Variants in RNF6 observed in about 807,000 individuals in gnomAD.
RNF6 encodes E3 ubiquitin-protein ligase RNF6.
A neutral mutation model predicts 50.1 loss-of-function variants in RNF6; 21 were observed. The ratio of observed to expected loss-of-function variants is 0.42; its 90% CI spans 0.30 to 0.60. The LOEUF (loss-of-function observed/expected upper bound fraction) is 0.60, where lower values mean the gene tolerates loss of function less well. RNF6 is among the 20% of genes least tolerant of loss of function. RNF6 has a pLI of 0.20. For synonymous variants in RNF6, 255 were observed against 291.8 expected (o/e 0.87, Z 1.29); for missense variants, 698 against 838.2 (o/e 0.83, Z 2.07).
chr13:26,213,989 G>A lies in RNF6; in HGVS notation c.1893C>T (p.Ile631=). The change falls in exon 5 of 5, where the codon ATC becomes ATT. Residue 631 remains isoleucine, a synonymous_variant. Coordinates refer to ENST00000381588, the MANE Select transcript of RNF6 (RefSeq NM_005977.4). Reference sequence around the variant, plus strand: ...CATAGTCACTAATACAAACACTACAGATTTTACCTAGTTCACTATCAATAC... The same window carrying A: ...CATAGTCACTAATACAAACACTACAAATTTTACCTAGTTCACTATCAATAC... ...HNSIDSELGK[I]CSVCISDYVT... is the part of the protein sequence containing the mutation. 1.2e-6 allele frequency: 2 copies of A among 1,614,150 alleles called. No individual in the cohort carries two copies. The highest frequency in any genetic ancestry group is 1.7e-6 in the Non-Finnish European group (2 of 1,180,032).
intron 5 of RNF6, among the ~76,000 whole-genome samples, chr13:26,201,269 C>T (rs575229678): frequency 1.3e-5 from 2 of 152,156 alleles, no homozygotes; most frequent in Non-Finnish European, 2.9e-5. Context: ...GGTGATTTCT[C>T]GTAAAGCTAG....
At chr13:26,189,729 A>G (rs1461395799) in intron 5 of RNF6, among the ~76,000 whole-genome samples, 1 of 108,116 alleles carries the variant, frequency 9.2e-6, no homozygotes, top group Non-Finnish European at 2.3e-5. Context: ...CTCCTTGGAG[A>G]TAGAGATTTC....
chr13:26,216,328 TA>T (rs1290663525), intron 4 of RNF6, among the ~76,000 whole-genome samples: 3 of 152,192 alleles, frequency 2.0e-5, no homozygotes, highest in Admixed American at 2.0e-4. Context: ...AGCCACCCCA[TA>T]AATGTTAGCT....
In RNF6 at chr13:26,166,090, A is replaced by C. The variant is rs570333453; in HGVS notation, n.769-33639T>G. On this transcript the variant is annotated intron_variant and non_coding_transcript_variant, in intron 5 of 5. Transcript: ENST00000468480. ...TGAGAGGTAATTGAATCACAGGGGC[A>C]GGCCTTTCCTGTGCTTTTCTAGTGA... 8.5e-5 allele frequency among the ~76,000 whole-genome samples: 13 copies of C among 152,262 alleles called. No homozygotes were observed. In the East Asian group the frequency reaches 2.1e-3, roughly 25 times the overall value.
In RNF6 at chr13:26,215,267, G is replaced by C. The variant is rs760507799; in HGVS notation, c.615C>G (p.Phe205Leu). 2 of 1,614,208 alleles carry C rather than the reference G, an allele frequency of 1.2e-6. No homozygotes were observed. The highest frequency in any genetic ancestry group is 1.7e-6 in the Non-Finnish European group (2 of 1,180,038). The change falls in exon 5 of 5, where the codon TTC (phenylalanine) becomes TTG (leucine). Residue 205 changes from phenylalanine to leucine, a missense_variant. Transcript: ENST00000381588. Reference protein sequence around the residue: ...RRTRSQTSVNFNGSSSNIPRT... With the variant: ...RRTRSQTSVNLNGSSSNIPRT... ...TTGGAATGTTGGAACTACTACCATT[G>C]AAATTCACTGAGGTTTGGCTTCTTG...
chr13:26,139,667 C>T (rs1276708977), intron 5 of RNF6, among the ~76,000 whole-genome samples: 1 of 152,156 alleles, frequency 6.6e-6, no homozygotes, highest in Non-Finnish European at 1.5e-5. Context: ...ATTGACTCTT[C>T]CTGTCCAAGA....
intron 5 of RNF6, among the ~76,000 whole-genome samples, chr13:26,178,591 C>CGTGTGTGTGTGT (rs3981342): frequency 1.2e-3 from 123 of 100,332 alleles, no homozygotes; most frequent in East Asian, 2.4e-3. Context: ...CTGCCTGGTC[C>CGTGTGTGTGTGT]GTGTGTGTGT....
intron 5 of RNF6, among the ~76,000 whole-genome samples, chr13:26,178,791 C>G (rs1873097845): frequency 6.6e-6 from 1 of 152,030 alleles, no homozygotes; most frequent in South Asian, 2.1e-4. Context: ...TCCCCATTTT[C>G]CCCTCCCCTG....
At chr13:26,198,206 A>G (rs1344326877) in intron 5 of RNF6, among the ~76,000 whole-genome samples, 3 of 151,532 alleles carry the variant, frequency 2.0e-5, no homozygotes, top group African/African-American at 7.3e-5. Context: ...TATGATTGTG[A>G]AGTTTGGTAT....
intron 5 of RNF6, among the ~76,000 whole-genome samples, chr13:26,199,628 A>G (rs1335470547): frequency 6.6e-6 from 1 of 152,212 alleles, no homozygotes; most frequent in African/African-American, 2.4e-5. Flanking sequence ...ATCTACAGAC[A>G]TATATTTGTA....
intron 5 of RNF6, among the ~76,000 whole-genome samples, chr13:26,183,088 A>C (rs916322626): frequency 3.3e-5 from 5 of 152,328 alleles, no homozygotes; most frequent in Non-Finnish European, 7.4e-5. Context: ...GCCTCTGCTG[A>C]AAGGCACTTT....
chr13:26,136,896 A>C (rs184484621), intron 5 of RNF6, among the ~76,000 whole-genome samples: 178 of 152,308 alleles, frequency 1.2e-3, no homozygotes, highest in African/African-American at 4.2e-3. Context: ...AGCTTAAAGC[A>C]ATCCAGGGAG....
At position 26,187,537 on chromosome 13, in the gene RNF6, T is replaced by G. The variant is rs1051465865; in HGVS notation, n.768+27937A>C. The stretch of plus-strand genomic sequence containing the variant: ...TATAAAAGAAAAATTACCCTAGTTC[T>G]TCCTGCGGTCCCCTCCCCAGGGATT... On this transcript the variant is annotated intron_variant and non_coding_transcript_variant, in intron 5 of 5. Transcript: ENST00000468480. 2.6e-5 allele frequency among the ~76,000 whole-genome samples: 4 copies of G among 152,306 alleles called. No individual in the cohort carries two copies. The East Asian group carries it at 7.7e-4, about 29-fold the overall frequency.
chr13:26,180,695 T>G (rs1020835315), intron 5 of RNF6, among the ~76,000 whole-genome samples: 14 of 152,368 alleles, frequency 9.2e-5, no homozygotes, highest in African/African-American at 3.1e-4. Context: ...TTTCCCTGAT[T>G]AGAACCATTG....
At chr13:26,161,637 A>AT (rs1347489969) in intron 5 of RNF6, among the ~76,000 whole-genome samples, 1 of 152,124 alleles carries the variant, frequency 6.6e-6, no homozygotes, top group Admixed American at 6.6e-5. Context: ...CGGCAAAACT[A>AT]TTTTTCTGTG....
At chr13:26,219,773 C>T in intron 2 of RNF6, 106 bp from the exon 3 acceptor site, 1 of 977,424 alleles carries the variant, frequency 1.0e-6, no homozygotes, top group East Asian at 2.4e-5. Context: ...TTGTCCCCTA[C>T]CCAAATACTG....
At position 26,218,497 on chromosome 13, in the gene RNF6, G is replaced by A. The variant is rs747574002; in HGVS notation, c.289+14C>T. 6.3e-7 allele frequency: 1 copy of A among 1,590,928 alleles called. No homozygotes were observed. Among genetic ancestry groups the A allele is most frequent in the Non-Finnish European group, 8.6e-7 (1 of 1,159,054 alleles). On this transcript the variant is annotated intron_variant, in intron 4 of 4. Transcript: ENST00000381588. Reference sequence around the variant, plus strand: ...CAATCAAGCCTGTTCCTTATGGAAAGGACTCCATAGTACCTCTGTAATTCG... The same window carrying A: ...CAATCAAGCCTGTTCCTTATGGAAAAGACTCCATAGTACCTCTGTAATTCG...
At chr13:26,211,701 C>A (rs1285890490), downstream of RNF6, among the ~76,000 whole-genome samples, 1 of 151,910 alleles carries the variant, frequency 6.6e-6, no homozygotes, top group Non-Finnish European at 1.5e-5. Flanking sequence ...GAGGTTGCAG[C>A]GAGCCGAGAT....
chr13:26,182,357 T>C (rs1873282615), intron 5 of RNF6, among the ~76,000 whole-genome samples: 1 of 152,164 alleles, frequency 6.6e-6, no homozygotes, highest in Non-Finnish European at 1.5e-5. Flanking sequence ...AAATTAAATT[T>C]GGCAAAAATG....
Sources: gnomAD v4.1 joint callset for allele counts (sites outside exome capture counted in the v4.1 genomes callset) on GRCh38, gnomAD v4.1.1 for gene constraint, MANE v1.5 for transcripts, NCBI Gene and HGNC (gene_info 2026-07-23, HGNC 2026-07-21) for gene names.